Variants in CDC42BPA observed in about 807,000 individuals in gnomAD.
CDC42BPA encodes the protein CDC42 binding protein kinase alpha.
A neutral mutation model predicts 223.5 loss-of-function variants in CDC42BPA; 80 were observed. That is an observed-to-expected ratio of 0.36 (90% CI 0.30 to 0.43). The LOEUF (loss-of-function observed/expected upper bound fraction) is 0.43, where lower values mean the gene tolerates loss of function less well. CDC42BPA is among the 20% of genes least tolerant of loss of function. CDC42BPA has a pLI of 1.00. For missense variants in CDC42BPA, 1,743 were observed against 2,099.9 expected, an observed-to-expected ratio of 0.83 and a Z score of 3.32; for synonymous variants, 694 against 718.6, an observed-to-expected ratio of 0.97 and a Z score of 0.55.
At chr1:227,038,314 A>T (rs1572409806) in intron 24 of CDC42BPA, among the ~76,000 whole-genome samples, 1 of 152,170 alleles carries the variant, frequency 6.6e-6, no homozygotes, top group Admixed American at 6.5e-5. Context: ...GAACTGAGTC[A>T]ATTAAACCTC....
In CDC42BPA at chr1:226,993,270, G is replaced by A. The variant is rs546719806; in HGVS notation, c.*998C>T. On this transcript the variant is annotated 3_prime_UTR_variant, in exon 37 of 37. Coordinates refer to ENST00000366766, the MANE Select transcript of CDC42BPA (RefSeq NM_001394014.1). Reference sequence around the variant, plus strand: ...AACCTTTCAGATGGAAGGGATCAGAGGTGACAGAATCGTGTATTTCTACAT... The same window carrying A: ...AACCTTTCAGATGGAAGGGATCAGAAGTGACAGAATCGTGTATTTCTACAT... 3 of 152,322 alleles carry A rather than the reference G, an allele frequency of 2.0e-5. No homozygotes were observed. The South Asian group carries it at 6.2e-4, about 32-fold the overall frequency. The allele number at this position is 152,322 out of a possible 1,614,324, so 9.4% of individuals were successfully genotyped here. A position where few individuals can be genotyped will look rare whatever the true frequency, so the allele number is the denominator to read the frequency against.
At chr1:227,089,651 T>TTTA (rs779008184) in intron 16 of CDC42BPA, among the ~76,000 whole-genome samples, 90 of 118,874 alleles carry the variant, frequency 7.6e-4, no homozygotes, top group Middle Eastern at 4.9e-3. Context: ...TTTTTTTTTT[T>TTTA]AAAAACAAAC....
chr1:227,301,568 T>C (rs966813071), intron 1 of CDC42BPA, among the ~76,000 whole-genome samples: 2 of 152,070 alleles, frequency 1.3e-5, no homozygotes, highest in Non-Finnish European at 2.9e-5. Flanking sequence ...CTATGTTGGC[T>C]AGGATGGTCT....
At chr1:227,249,889 C>T (rs1447038532) in intron 2 of CDC42BPA, among the ~76,000 whole-genome samples, 1 of 149,048 alleles carries the variant, frequency 6.7e-6, no homozygotes, top group East Asian at 1.9e-4. Flanking sequence ...TATTTGGTAG[C>T]ACAAGAGGGG....
chr1:227,141,274 T>C (rs181766284), intron 9 of CDC42BPA, among the ~76,000 whole-genome samples: 4 of 152,262 alleles, frequency 2.6e-5, no homozygotes, highest in Admixed American at 1.3e-4. Context: ...AAATTTTCTA[T>C]AATGTAAAGC....
At chr1:227,027,857 CTATAATCT>C (rs1228145755) in intron 30 of CDC42BPA, among the ~76,000 whole-genome samples, 1 of 152,076 alleles carries the variant, frequency 6.6e-6, no homozygotes, top group Non-Finnish European at 1.5e-5. Context: ...TGAGTCAAGC[CTATAATCT>C]CAGTGCTTTG....
chr1:227,035,470 C>A lies in CDC42BPA; in HGVS notation c.3336+1G>T, dbSNP rs1670042670. ...TCTAAACCCAACTTAATCATACTTA[C>A]CCTGACATGACCTTCATATGCTGTT... On this transcript the variant is annotated splice_donor_variant, in intron 25 of 36. Coordinates refer to ENST00000366766, the MANE Select transcript of CDC42BPA (RefSeq NM_001394014.1). LOFTEE classifies it high-confidence loss of function. 6.2e-7 allele frequency: 1 copy of A among 1,604,330 alleles called. No homozygotes were observed. The highest frequency in any genetic ancestry group is 8.5e-7 in the Non-Finnish European group (1 of 1,176,680).
At chr1:227,048,776 T>C (rs952458705) in intron 22 of CDC42BPA, among the ~76,000 whole-genome samples, 3 of 132,884 alleles carry the variant, frequency 2.3e-5, no homozygotes, top group African/African-American at 8.4e-5. Flanking sequence ...AAAAAAGACA[T>C]GGAAAGTAAC....
intron 34 of CDC42BPA, among the ~76,000 whole-genome samples, chr1:227,009,431 C>T (rs1371765266): frequency 2.6e-5 from 4 of 152,068 alleles, no homozygotes; most frequent in African/African-American, 9.7e-5. Flanking sequence ...TATTTTGAGA[C>T]ATAGCCTTTC....
At chr1:227,302,633 A>G (rs901319062) in intron 1 of CDC42BPA, among the ~76,000 whole-genome samples, 3 of 152,134 alleles carry the variant, frequency 2.0e-5, no homozygotes, top group Non-Finnish European at 4.4e-5. Context: ...GGTACTTGGT[A>G]GGCCCCTTCT....
At chr1:227,068,654 G>C in intron 21 of CDC42BPA, 1 of 1,192,318 alleles carries the variant, frequency 8.4e-7, no homozygotes, top group Non-Finnish European at 1.1e-6. Context: ...AAAGACTTAC[G>C]TCATCCAAAA....
intron 1 of CDC42BPA, among the ~76,000 whole-genome samples, chr1:227,292,511 A>G (rs1689871320): frequency 6.6e-6 from 1 of 152,222 alleles, no homozygotes; most frequent in Non-Finnish European, 1.5e-5. Context: ...AAAATATTTT[A>G]TTAACAAAAG....
intron 5 of CDC42BPA, among the ~76,000 whole-genome samples, chr1:227,190,915 A>G (rs1442599693): frequency 6.6e-6 from 1 of 152,292 alleles, no homozygotes; most frequent in African/African-American, 2.4e-5. Flanking sequence ...GGAAGTGTAT[A>G]CAAATTGTTA....
chr1:227,121,356 G>A (rs1376998044), intron 11 of CDC42BPA, among the ~76,000 whole-genome samples: 1 of 152,168 alleles, frequency 6.6e-6, no homozygotes, highest in Non-Finnish European at 1.5e-5. Flanking sequence ...AGTCCTATTG[G>A]GAAGAGCAAT....
intron 4 of CDC42BPA, among the ~76,000 whole-genome samples, chr1:227,198,936 G>C (rs928735535): frequency 6.6e-6 from 1 of 152,060 alleles, no homozygotes; most frequent in Non-Finnish European, 1.5e-5. Context: ...TTTTAGTAGA[G>C]ACGGGGTTTC....
At chr1:227,246,941 C>T (rs908439715) in intron 2 of CDC42BPA, among the ~76,000 whole-genome samples, 1 of 152,200 alleles carries the variant, frequency 6.6e-6, no homozygotes, top group African/African-American at 2.4e-5. Context: ...TGGCTCACAC[C>T]TGTAATCCCA....
At chr1:227,005,589 C>G (rs1663859395) in intron 34 of CDC42BPA, among the ~76,000 whole-genome samples, 1 of 151,994 alleles carries the variant, frequency 6.6e-6, no homozygotes, top group Admixed American at 6.5e-5. Context: ...AAGTTCACAC[C>G]CCAGTCACCA....
chr1:227,115,322 G>C (rs1321745956), intron 12 of CDC42BPA, among the ~76,000 whole-genome samples: 1 of 151,912 alleles, frequency 6.6e-6, no homozygotes, highest in Non-Finnish European at 1.5e-5. Flanking sequence ...TATTACTAAG[G>C]ATAAGGAATA....
chr1:227,253,669 C>G (rs958846514), intron 2 of CDC42BPA, among the ~76,000 whole-genome samples: 2 of 150,812 alleles, frequency 1.3e-5, no homozygotes, highest in Non-Finnish European at 3.0e-5. Flanking sequence ...AAATAAAATA[C>G]TATGAAAATA....
Sources: gnomAD v4.1 joint callset for allele counts (sites outside exome capture counted in the v4.1 genomes callset) on GRCh38, gnomAD v4.1.1 for gene constraint, MANE v1.5 for transcripts, NCBI Gene and HGNC (gene_info 2026-07-23, HGNC 2026-07-21) for gene names.